The following NTRK3 variants were observed in gnomAD, a reference collection of about 807,000 sequenced individuals.
NTRK3 encodes neurotrophic receptor tyrosine kinase 3.
A neutral mutation model predicts 91.7 loss-of-function variants in NTRK3; 24 were observed. That is an observed-to-expected ratio of 0.26 (90% confidence interval 0.19 to 0.37). NTRK3 has a LOEUF of 0.37. Ranked by LOEUF, NTRK3 falls within the 10% of genes least tolerant of loss-of-function variation. NTRK3 has a pLI of 1.00. For missense variants in NTRK3, 880 were observed against 1,068.9 expected (o/e 0.82, Z 2.46); for synonymous variants, 483 against 404.0 (o/e 1.20, Z -2.34).
intron 17 of NTRK3, among the ~76,000 whole-genome samples, chr15:87,898,583 A>G (rs973228816): frequency 5.3e-5 from 8 of 152,134 alleles, no homozygotes; most frequent in African/African-American, 1.9e-4. Flanking sequence ...ACAAAAGGCA[A>G]ACTTAGCTAG....
chr15:88,248,373 A>C (rs534247766), intron 3 of NTRK3, among the ~76,000 whole-genome samples: 1 of 152,264 alleles, frequency 6.6e-6, no homozygotes, highest in East Asian at 1.9e-4. Context: ...CCAATACTAC[A>C]CCCATAATTA....
intron 17 of NTRK3, chr15:87,928,865 T>G (rs945939825): frequency 7.8e-6 from 4 of 515,890 alleles, no homozygotes; most frequent in African/African-American, 7.6e-5. Context: ...GTGTGTGTGT[T>G]TGGGCACATA....
At chr15:88,092,042 G>C (rs2049065531) in intron 13 of NTRK3, among the ~76,000 whole-genome samples, 1 of 152,174 alleles carries the variant, frequency 6.6e-6, no homozygotes, top group African/African-American at 2.4e-5. Context: ...ATCACAACAA[G>C]GCAAATGAGA....
rs138313318 is a variant in NTRK3 at position 87,958,564 on chromosome 15, C to T, written c.1586-17811G>A. On this transcript the variant is annotated intron_variant, in intron 14 of 18. Transcript: ENST00000394480. ...GTAAGCAGCATTCCCATTCACTCAACGGCTCAAGCCCCTAGCCCAGGAGTT... is the reference window on the plus strand; with the variant it reads ...GTAAGCAGCATTCCCATTCACTCAATGGCTCAAGCCCCTAGCCCAGGAGTT... Among the ~76,000 whole-genome samples, 362 of 152,130 alleles carry T rather than the reference C, an allele frequency of 2.4e-3. 2 individuals are homozygous for T. The highest frequency in any genetic ancestry group is 0.01 in the Middle Eastern group (3 of 294).
exon 19 of NTRK3, chr15:87,874,296 G>A (rs1054737231): frequency 5.6e-5 from 2 of 35,458 alleles, no homozygotes; most frequent in Non-Finnish European, 1.1e-4. Context: ...TCTCTCTCTG[G>A]CACTCTTCCA....
At chr15:87,922,325 G>C (rs2067943592) in intron 17 of NTRK3, among the ~76,000 whole-genome samples, 1 of 152,104 alleles carries the variant, frequency 6.6e-6, no homozygotes, top group South Asian at 2.1e-4. Context: ...CAATGTTCTT[G>C]TTGATCATAA....
At chr15:88,050,960 T>C (rs544842833) in intron 13 of NTRK3, among the ~76,000 whole-genome samples, 6 of 152,278 alleles carry the variant, frequency 3.9e-5, no homozygotes, top group African/African-American at 1.4e-4. Context: ...ATATATAATA[T>C]TTTCCATGGG....
At chr15:88,181,146 C>T (rs973686773) in intron 5 of NTRK3, among the ~76,000 whole-genome samples, 1 of 152,126 alleles carries the variant, frequency 6.6e-6, no homozygotes, top group African/African-American at 2.4e-5. Flanking sequence ...TCGGTAATCA[C>T]CCTGTAGCCA....
chr15:88,128,338 C>G (rs780549177), intron 11 of NTRK3, among the ~76,000 whole-genome samples: 19 of 152,178 alleles, frequency 1.2e-4, no homozygotes, highest in Non-Finnish European at 2.8e-4. Context: ...GAAACACTAG[C>G]AGGTTTATAG....
At chr15:87,945,871 A>C (rs1425611288) in intron 14 of NTRK3, among the ~76,000 whole-genome samples, 1 of 151,816 alleles carries the variant, frequency 6.6e-6, no homozygotes, top group Non-Finnish European at 1.5e-5. Flanking sequence ...TTACTAATTG[A>C]ATCCTATCCT....
intron 13 of NTRK3, among the ~76,000 whole-genome samples, chr15:88,042,362 AC>A (rs1343578066): frequency 6.6e-6 from 1 of 152,142 alleles, no homozygotes; most frequent in Non-Finnish European, 1.5e-5. Flanking sequence ...TCAAGAACAG[AC>A]CTGGGGACTA....
chr15:88,172,284 T>C (rs1202026966), intron 5 of NTRK3, among the ~76,000 whole-genome samples: 1 of 152,170 alleles, frequency 6.6e-6, no homozygotes, highest in Non-Finnish European at 1.5e-5. Context: ...CAGAAATTAA[T>C]GATGACTCCA....
chr15:87,917,557 T>C (rs1353585200), intron 17 of NTRK3, among the ~76,000 whole-genome samples: 1 of 152,132 alleles, frequency 6.6e-6, no homozygotes, highest in Admixed American at 6.5e-5. Context: ...TCCATCCTGG[T>C]TTATTTAGGT....
intron 13 of NTRK3, among the ~76,000 whole-genome samples, chr15:88,094,099 T>C (rs2049313367): frequency 6.6e-6 from 1 of 152,092 alleles, no homozygotes; most frequent in Non-Finnish European, 1.5e-5. Flanking sequence ...TGGCAAGTCT[T>C]TAAAAAGCCA....
intron 13 of NTRK3, among the ~76,000 whole-genome samples, chr15:88,114,748 A>T (rs569449855): frequency 6.6e-6 from 1 of 152,348 alleles, no homozygotes; most frequent in Admixed American, 6.5e-5. Context: ...CAGTGGCAGG[A>T]AATTAGGAAG....
At chr15:87,974,300 G>A (rs1445893979) in intron 14 of NTRK3, among the ~76,000 whole-genome samples, 1 of 152,154 alleles carries the variant, frequency 6.6e-6, no homozygotes, top group East Asian at 1.9e-4. Flanking sequence ...CTTCCAAATT[G>A]AGCCTGATTT....
intron 3 of NTRK3, among the ~76,000 whole-genome samples, chr15:88,194,987 T>C (rs1159418536): frequency 2.6e-5 from 4 of 152,260 alleles, no homozygotes; most frequent in Non-Finnish European, 5.9e-5. Flanking sequence ...GGTCATTCTC[T>C]GAACCTTCCT....
At chr15:88,146,157 C>T (rs767103808) in intron 6 of NTRK3, among the ~76,000 whole-genome samples, 2 of 152,160 alleles carry the variant, frequency 1.3e-5, no homozygotes, top group Admixed American at 6.5e-5. Context: ...AGTAGTAAAT[C>T]GTAGTAGTCA....
chr15:88,207,143 C>T (rs557095688), intron 3 of NTRK3, among the ~76,000 whole-genome samples: 1 of 152,330 alleles, frequency 6.6e-6, no homozygotes, highest in South Asian at 2.1e-4. Context: ...GGGCCAGGAG[C>T]TCAATGGTAT....
Sources: allele counts gnomAD v4.1 joint callset (sites outside exome capture counted in the v4.1 genomes callset), GRCh38; gene constraint gnomAD v4.1.1; transcripts MANE v1.5; gene names NCBI Gene and HGNC (gene_info 2026-07-23, HGNC 2026-07-21).